Variants in USP9X observed in about 807,000 individuals in gnomAD.
USP9X encodes ubiquitin carboxyl-terminal hydrolase 9X.
Under a neutral mutation model 190.3 loss-of-function variants are expected in USP9X, and 7 were observed. The ratio of observed to expected loss-of-function variants is 0.04; its 90% CI spans 0.02 to 0.07. USP9X has a LOEUF of 0.07. Among genes scored for constraint, USP9X ranks in the 10% least tolerant of loss-of-function variants. The probability of loss-of-function intolerance (pLI) is 1.00; values close to 1 mark genes in which losing one functional copy is unlikely to be tolerated. For synonymous variants in USP9X, 645 were observed against 659.5 expected, an observed-to-expected ratio of 0.98 and a Z score of 0.34; for missense variants, 1,010 against 1,916.9, an observed-to-expected ratio of 0.53 and a Z score of 8.83.
intron 29 of USP9X, among the ~76,000 whole-genome samples, chrX:41,198,208 T>G (rs1331694008): frequency 2.7e-5 from 3 of 112,121 alleles, no homozygotes; most frequent in Admixed American, 1.9e-4. Flanking sequence ...TTTGTACATT[T>G]TATTTCTATT....
In USP9X at chrX:41,086,031, C is replaced by G. The variant is rs986332732; in HGVS notation, c.-237C>G. ...GGGATGCACCCAGGGTAGGTCTCGTCCCGGGACCGAGCCCCACCGTCGCCT... is the reference window on the plus strand; with the variant it reads ...GGGATGCACCCAGGGTAGGTCTCGTGCCGGGACCGAGCCCCACCGTCGCCT... On this transcript the variant is annotated 5_prime_UTR_variant, in exon 1 of 45. Coordinates refer to ENST00000378308, the MANE Select transcript of USP9X (RefSeq NM_001039591.3). 3.4e-6 allele frequency: 1 copy of G among 297,486 alleles called. No homozygotes were observed. Among genetic ancestry groups the G allele is most frequent in the Admixed American group, 6.0e-5 (1 of 16,569 alleles). 24.5% of individuals were successfully genotyped at this position (297,486 alleles called of 1,213,427 possible).
intron 21 of USP9X, among the ~76,000 whole-genome samples, chrX:41,181,273 T>TC (rs2062822533): frequency 2.1e-5 from 1 of 47,616 alleles, no homozygotes; most frequent in Non-Finnish European, 3.8e-5. Flanking sequence ...TTCTCATTTC[T>TC]TTTTTTTTTT....
intron 14 of USP9X, among the ~76,000 whole-genome samples, chrX:41,154,321 A>G (rs2062557531): frequency 8.9e-6 from 1 of 111,760 alleles, no homozygotes; most frequent in African/African-American, 3.3e-5. Flanking sequence ...GTGACATAAA[A>G]AAGAGGTTTA....
In USP9X at chrX:41,135,983, T is replaced by C. The variant is rs927529531; in HGVS notation, c.436-821T>C. Among the ~76,000 whole-genome samples the C allele has an allele frequency of 4.5e-5, 5 of 111,232 alleles. No individual in the cohort carries two copies. In the East Asian group the frequency reaches 1.1e-3, roughly 25 times the overall value. On this transcript the variant is annotated intron_variant, in intron 5 of 44. Transcript: ENST00000378308. ...GTCATAAGTTGTCAAGCAGATAATA[T>C]TTTTGTGGCCTATAACCTATTTCCC...
Position 41,229,244 on chromosome X carries a change from C to G in USP9X, c.7062-9C>G, listed in dbSNP as rs773038017. Reference sequence around the variant, plus strand: ...AGATGTTTTTATTTTATATCTGGTTCTCTTTCAGAATTCATAATGCACTGA... The same window carrying G: ...AGATGTTTTTATTTTATATCTGGTTGTCTTTCAGAATTCATAATGCACTGA... On this transcript the variant is annotated splice_polypyrimidine_tract_variant and intron_variant, in intron 41 of 44. Coordinates refer to ENST00000378308, the MANE Select transcript of USP9X (RefSeq NM_001039591.3). The G allele has an allele frequency of 5.2e-6, 6 of 1,163,808 alleles. No individual in the cohort carries two copies. The highest frequency in any genetic ancestry group is 6.9e-6 in the Non-Finnish European group (6 of 872,929).
intron 31 of USP9X, among the ~76,000 whole-genome samples, chrX:41,201,940 C>T (rs1245960468): frequency 1.8e-5 from 2 of 111,068 alleles, no homozygotes; most frequent in Non-Finnish European, 3.8e-5. Flanking sequence ...CAGTGCACTC[C>T]AGCCTAGGTG....
At chrX:41,201,607 C>G (rs2063042707) in intron 31 of USP9X, among the ~76,000 whole-genome samples, 1 of 112,227 alleles carries the variant, frequency 8.9e-6, no homozygotes. Context: ...TACCTCTTAA[C>G]ATAGTATAGT....
Position 41,196,618 on chromosome X carries a change from C to T in USP9X, c.4113C>T (p.His1371=), listed in dbSNP as rs2062986670. ...GCACAGCAAGAGAGAGAGCTAAACA[C>T]TCAGGCGACTACTTTACTCTTTTAA... is the stretch of plus-strand genomic sequence containing the variant. ...LGSTARERAK[H]SGDYFTLLRH... The change falls in exon 28 of 45, where the codon CAC becomes CAT. Residue 1371 remains histidine (H), a synonymous_variant. Transcript: ENST00000378308. 1.7e-6 allele frequency: 2 copies of T among 1,207,042 alleles called. No homozygotes were observed. Among genetic ancestry groups the T allele is most frequent in the Admixed American group, 2.2e-5 (1 of 45,319 alleles).
intron 11 of USP9X, among the ~76,000 whole-genome samples, chrX:41,146,496 A>C (rs774570694): frequency 9.0e-6 from 1 of 111,659 alleles, no homozygotes; most frequent in Non-Finnish European, 1.9e-5. Context: ...TTGAGTTCTA[A>C]GTAAGTTTCA....
At chrX:41,219,759 A>G (rs1406959101) in intron 38 of USP9X, among the ~76,000 whole-genome samples, 1 of 112,484 alleles carries the variant, frequency 8.9e-6, no homozygotes, top group African/African-American at 3.2e-5. Flanking sequence ...AGGCCAAGGC[A>G]AGAGGATTGC....
In USP9X at chrX:41,232,730, A is replaced by ACTATACAAAACAC. The variant is rs2063372268; in HGVS notation, c.*206_*207insCTATACAAAACAC. 2.6e-6 allele frequency: 1 copy of ACTATACAAAACAC among 382,661 alleles called. No homozygotes were observed. Among genetic ancestry groups the ACTATACAAAACAC allele is most frequent in the African/African-American group, 2.5e-5 (1 of 39,419 alleles). The allele number at this position is 382,661 out of a possible 1,213,427, so 31.5% of individuals were successfully genotyped here. The stretch of plus-strand genomic sequence containing the variant: ...GAAAGTGTATAGTGTTTTGTAATAA[A>ACTATACAAAACAC]TGGCCTGATGCTAATGTGTAAATGG... On this transcript the variant is annotated 3_prime_UTR_variant, in exon 45 of 45. Transcript: ENST00000378308.
At chrX:41,105,188 G>C (rs1043491701) in intron 1 of USP9X, among the ~76,000 whole-genome samples, 1 of 111,412 alleles carries the variant, frequency 9.0e-6, no homozygotes, top group Admixed American at 9.6e-5. Flanking sequence ...CTGAGACAGA[G>C]CATGTGGCCT....
rs1052259753 is a variant in USP9X, at chrX:41,218,355, T to G, written c.6210-17T>G. On this transcript the variant is annotated splice_polypyrimidine_tract_variant and intron_variant, in intron 36 of 44. Transcript: ENST00000378308. ...GTTATTGACTTAATAGTCATAGGTT[T>G]TTTTGTTTTATTTTAGGTATGATGC... 2 of 1,202,912 alleles carry G rather than the reference T, an allele frequency of 1.7e-6. No homozygotes were observed. The highest frequency in any genetic ancestry group is 3.5e-5 in the African/African-American group (2 of 56,848).
chrX:41,098,549 A>G (rs1201476656), intron 1 of USP9X, among the ~76,000 whole-genome samples: 1 of 108,534 alleles, frequency 9.2e-6, no homozygotes. Flanking sequence ...CATGATCACT[A>G]ACTGTCTTTT....
At chrX:41,160,263 G>A (rs2062618018) in intron 14 of USP9X, among the ~76,000 whole-genome samples, 1 of 108,744 alleles carries the variant, frequency 9.2e-6, no homozygotes, top group Non-Finnish European at 1.9e-5. Context: ...TAGCTAACAA[G>A]TCCAGGTATT....
intron 1 of USP9X, among the ~76,000 whole-genome samples, chrX:41,113,921 TG>T (rs1368184261): frequency 8.9e-6 from 1 of 112,954 alleles, no homozygotes; most frequent in African/African-American, 3.2e-5. Context: ...AGACCACATG[TG>T]GTGCCACGTG....
intron 26 of USP9X, chrX:41,189,767 A>G (rs186309641): frequency 2.3e-4 from 44 of 190,123 alleles, no homozygotes; most frequent in African/African-American, 1.2e-3. Context: ...GCAAGATTTA[A>G]ATCATATAGG....
chrX:41,149,016 G>A (rs977231395), intron 12 of USP9X, among the ~76,000 whole-genome samples: 2 of 111,904 alleles, frequency 1.8e-5, no homozygotes, highest in African/African-American at 6.5e-5. Context: ...ATTCTAATTT[G>A]TGGCATGTGT....
intron 26 of USP9X, among the ~76,000 whole-genome samples, chrX:41,190,298 C>A (rs2062920611): frequency 9.0e-6 from 1 of 110,648 alleles, no homozygotes; most frequent in Admixed American, 9.6e-5. Context: ...GTTCAACTTG[C>A]CCACTCGAGA....
Sources: gnomAD v4.1 joint callset for allele counts (sites outside exome capture counted in the v4.1 genomes callset) on GRCh38, gnomAD v4.1.1 for gene constraint, MANE v1.5 for transcripts, NCBI Gene and HGNC (gene_info 2026-07-23, HGNC 2026-07-21) for gene names.